Variants in SLC5A10 observed in about 807,000 individuals in gnomAD.
The protein encoded by SLC5A10 is sodium/mannose cotransporter SLC5A10.
A neutral mutation model predicts 68.9 loss-of-function variants in SLC5A10; 55 were observed. The observed-to-expected ratio is 0.80, with a 90% CI of 0.64 to 1.00. The LOEUF (loss-of-function observed/expected upper bound fraction) is 1.00. Ranked by LOEUF, SLC5A10 falls within the 50% of genes least tolerant of loss-of-function variation. The probability of loss-of-function intolerance (pLI) is 0.00; values close to 1 mark genes in which losing one functional copy is unlikely to be tolerated. For missense variants in SLC5A10, 732 were observed against 819.3 expected, an observed-to-expected ratio of 0.89 and a Z score of 1.30; for synonymous variants, 344 against 344.8, an observed-to-expected ratio of 1.00 and a Z score of 0.02.
intron 5 of SLC5A10, among the ~76,000 whole-genome samples, chr17:18,961,529 G>C (rs770178791): frequency 6.6e-6 from 1 of 152,204 alleles, no homozygotes; most frequent in Non-Finnish European, 1.5e-5. Flanking sequence ...CTGTGTCTGC[G>C]GGAAGTGCTC....
intron 9 of SLC5A10, chr17:18,979,778 T>G: frequency 1.5e-6 from 2 of 1,315,402 alleles, no homozygotes; most frequent in Admixed American, 3.7e-5. Context: ...TCTGGAGTAG[T>G]CAGGAGGGGA....
Position 18,958,748 on chromosome 17 carries a change from T to C in SLC5A10, c.178T>C (p.Trp60Arg). ...CCTGGCAGGCCGGGACATGACGTGG[T>C]GGCCGGTGAGTGCACCCTGACTTCT... ...YFLAGRDMTW[W>R]PIGASLFASS... Residue 60 changes from tryptophan (W) to arginine (R), a missense_variant, in exon 2 of 15, where the codon TGG becomes CGG. Coordinates refer to ENST00000395645, the MANE Select transcript of SLC5A10 (RefSeq NM_001042450.4). 1 of 1,614,186 alleles carries C rather than the reference T, an allele frequency of 6.2e-7. No homozygotes were observed. The highest frequency in any genetic ancestry group is 1.1e-5 in the South Asian group (1 of 91,072).
At chr17:19,019,641 T>C (rs753104266) in intron 12 of SLC5A10, 50 bp downstream of exon 12, 16 of 1,604,374 alleles carry the variant, frequency 1.0e-5, no homozygotes, top group Non-Finnish European at 1.4e-5. Flanking sequence ...AATTTGCTCT[T>C]CCCTGCTGCC....
In SLC5A10 at chr17:18,976,998, G is replaced by A. The variant is rs1008050842; in HGVS notation, c.982+9G>A. 3.1e-6 allele frequency: 5 copies of A among 1,610,962 alleles called. No homozygotes were observed. Among genetic ancestry groups the A allele is most frequent in the Admixed American group, 3.3e-5 (2 of 59,984 alleles). The stretch of plus-strand genomic sequence containing the variant: ...CCGCGCATTGTTCCCAGGTAGGACG[G>A]GCTCCGGGCACTGAACCCAGGCTGC... On this transcript the variant is annotated intron_variant, in intron 9 of 14. Transcript: ENST00000395645.
chr17:18,996,051 A>G lies in SLC5A10; in HGVS notation c.983-17359A>G, dbSNP rs982323713. Among the ~76,000 whole-genome samples, 1 of 152,072 alleles carries G rather than the reference A, an allele frequency of 6.6e-6. No individual in the cohort carries two copies. Among genetic ancestry groups the G allele is most frequent in the African/African-American group, 2.4e-5 (1 of 41,408 alleles). ...CAACCAGAAGAGAAAAGACAACTGC[A>G]TGTCAAGGAACAAAGTAAGTGGACT... On this transcript the variant is annotated intron_variant, in intron 9 of 14. Transcript: ENST00000395645. The surrounding 1 kb of genome is among the most constrained non-coding windows in gnomAD (Gnocchi z 4.4).
At chr17:19,006,042 GTT>G (rs2043881103) in intron 9 of SLC5A10, among the ~76,000 whole-genome samples, 1 of 152,198 alleles carries the variant, frequency 6.6e-6, no homozygotes, top group Admixed American at 6.5e-5. Context: ...AGGCTGGAGA[GTT>G]CAGGAAGGGA....
rs2042840581 is a variant in SLC5A10, at chr17:18,971,339, C to T, written c.846+121C>T. ...TGGGCTGGGGCCTCAGAAGGTGTGG[C>T]TCCAGGCTGGGACATGCTGCTAGGG... is the stretch of plus-strand genomic sequence containing the variant. On this transcript the variant is annotated intron_variant, in intron 8 of 14. Coordinates refer to ENST00000395645, the MANE Select transcript of SLC5A10 (RefSeq NM_001042450.4). The surrounding 1 kb of genome is among the most constrained non-coding windows in gnomAD (Gnocchi z 5.5). 2 of 1,605,156 alleles carry T rather than the reference C, an allele frequency of 1.2e-6. No homozygotes were observed. Among genetic ancestry groups the T allele is most frequent in the East Asian group, 2.2e-5 (1 of 44,666 alleles).
At chr17:18,977,493 G>C (rs960407608) in intron 9 of SLC5A10, 1 of 1,275,134 alleles carries the variant, frequency 7.8e-7, no homozygotes, top group African/African-American at 1.5e-5. Context: ...CAGAGTCAGG[G>C]ACATGGTAGC....
chr17:19,015,214 G>T lies in SLC5A10; in HGVS notation c.1241+15G>T. ...CTGGTGGGACGGTACGGGGGTGGGGGCCAGTACGGGGGTGGGGGAACACTA... is the reference window on the plus strand; with the variant it reads ...CTGGTGGGACGGTACGGGGGTGGGGTCCAGTACGGGGGTGGGGGAACACTA... On this transcript the variant is annotated intron_variant, in intron 11 of 14. Coordinates refer to ENST00000395645, the MANE Select transcript of SLC5A10 (RefSeq NM_001042450.4). 2.6e-6 allele frequency: 1 copy of T among 386,308 alleles called. No individual in the cohort carries two copies. Among genetic ancestry groups the T allele is most frequent in the Non-Finnish European group, 5.6e-6 (1 of 177,066 alleles). The allele number at this position is 386,308 out of a possible 1,614,324, so 23.9% of individuals were successfully genotyped here. A position where few individuals can be genotyped will look rare whatever the true frequency, so the allele number is the denominator to read the frequency against.
Position 19,019,730 on chromosome 17 carries a change from G to C in SLC5A10, c.1428G>C (p.Leu476=). The C allele has an allele frequency of 6.8e-6, 11 of 1,611,284 alleles. No homozygotes were observed. The highest frequency in any genetic ancestry group is 9.3e-6 in the Non-Finnish European group (11 of 1,179,618). ...RANEQGAFWG[L]IAGLVVGATR... ...CTCCCCAGGGGGCCTTCTGGGGCCT[G>C]ATAGCAGGGCTGGTGGTGGGGGCCA... Residue 476 remains leucine (L), a synonymous_variant, in exon 13 of 15, where the codon CTG becomes CTC. Coordinates refer to ENST00000395645, the MANE Select transcript of SLC5A10 (RefSeq NM_001042450.4).
At chr17:18,958,845 G>T in intron 2 of SLC5A10, 92 bp downstream of exon 2, 2 of 1,443,310 alleles carry the variant, frequency 1.4e-6, no homozygotes, top group Non-Finnish European at 1.9e-6. Context: ...CTTTGAGCCA[G>T]TCCAATTCAG....
chr17:19,000,780 G>C lies in SLC5A10; in HGVS notation c.983-12630G>C, dbSNP rs1219642821. 6.6e-6 allele frequency among the ~76,000 whole-genome samples: 1 copy of C among 152,232 alleles called. No homozygotes were observed. The highest frequency in any genetic ancestry group is 1.5e-5 in the Non-Finnish European group (1 of 68,036). On this transcript the variant is annotated intron_variant, in intron 9 of 14. Coordinates refer to ENST00000395645, the MANE Select transcript of SLC5A10 (RefSeq NM_001042450.4). The surrounding 1 kb of genome is among the most constrained non-coding windows in gnomAD (Gnocchi z 5.2). Reference sequence around the variant, plus strand: ...ACCAGAGTGAGAAGGGGAGGTGGAAGCATGGGCACGAGAGGTGATTCATGG... The same window carrying C: ...ACCAGAGTGAGAAGGGGAGGTGGAACCATGGGCACGAGAGGTGATTCATGG...
intron 9 of SLC5A10, among the ~76,000 whole-genome samples, chr17:19,002,706 C>T (rs1036748239): frequency 3.3e-5 from 5 of 152,214 alleles, no homozygotes; most frequent in Non-Finnish European, 4.4e-5. Context: ...CACAACTGTC[C>T]AGCAGTGGCC....
At position 18,959,197 on chromosome 17, in the gene SLC5A10, A is replaced by C; in HGVS notation, c.246A>C (p.Ser82=). 1 of 1,613,080 alleles carries C rather than the reference A, an allele frequency of 6.2e-7. No homozygotes were observed. Among genetic ancestry groups the C allele is most frequent in the Non-Finnish European group, 8.5e-7 (1 of 1,179,898 alleles). ...GCCTCTTCATTGGACTGGCGGGCTC[A>C]GGCGCGGCAGGAGGTCTGGCCGTGG... ...GSGLFIGLAG[S]GAAGGLAVAG... The change falls in exon 3 of 15, where the codon TCA becomes TCC. Residue 82 remains serine, a synonymous_variant. Coordinates refer to ENST00000395645, the MANE Select transcript of SLC5A10 (RefSeq NM_001042450.4).
upstream of SLC5A10, among the ~76,000 whole-genome samples, chr17:18,951,335 C>T (rs371857523): frequency 3.3e-5 from 5 of 152,158 alleles, no homozygotes; most frequent in Non-Finnish European, 7.4e-5. Flanking sequence ...TCCTACTCTG[C>T]GCCTTCAATG....
At chr17:18,967,625 C>T (rs2042738018) in intron 5 of SLC5A10, among the ~76,000 whole-genome samples, 1 of 152,248 alleles carries the variant, frequency 6.6e-6, no homozygotes, top group Admixed American at 6.5e-5. Flanking sequence ...GGAGCAGTGA[C>T]TGTAGGACAG....
chr17:18,963,899 G>A (rs936262456), intron 5 of SLC5A10, among the ~76,000 whole-genome samples: 7 of 152,220 alleles, frequency 4.6e-5, no homozygotes, highest in South Asian at 2.1e-4. Flanking sequence ...CACGGGGGTC[G>A]CTTTGCGCCC....
At position 19,017,420 on chromosome 17, in the gene SLC5A10, C is replaced by A. The variant is rs1263567398; in HGVS notation, c.1242-2003C>A. The A allele has an allele frequency of 6.5e-7, 1 of 1,540,158 alleles. No homozygotes were observed. Among genetic ancestry groups the A allele is most frequent in the Admixed American group, 2.0e-5 (1 of 50,982 alleles). ...GTAGGGTGAATGGCCTGACAACAGT[C>A]TCTGTCAGGGAGAGGCGAGGCTTAC... On this transcript the variant is annotated intron_variant, in intron 11 of 14. Transcript: ENST00000395645. The surrounding 1 kb of genome is among the most constrained non-coding windows in gnomAD (Gnocchi z 5.6).
At chr17:18,983,994 T>C (rs1351440081) in intron 9 of SLC5A10, among the ~76,000 whole-genome samples, 1 of 152,134 alleles carries the variant, frequency 6.6e-6, no homozygotes, top group Non-Finnish European at 1.5e-5. Context: ...ACCCCCAAGG[T>C]GGACAGTTAA....
Sources: gnomAD v4.1 joint callset for allele counts (sites outside exome capture counted in the v4.1 genomes callset) on GRCh38, gnomAD v4.1.1 for gene constraint, Gnocchi (gnomAD v3.1) non-coding constraint, MANE v1.5 for transcripts, NCBI Gene and HGNC (gene_info 2026-07-23, HGNC 2026-07-21) for gene names.